The following SLC24A3 variants were observed in gnomAD, a reference collection of about 807,000 sequenced individuals.
SLC24A3 encodes sodium/potassium/calcium exchanger 3.
In SLC24A3, 28 loss-of-function variants were observed where a neutral mutation model predicts 75.8. The ratio of observed to expected loss-of-function variants is 0.37; its 90% CI spans 0.27 to 0.51. The LOEUF is 0.51. SLC24A3 is among the 20% of genes least tolerant of loss of function. SLC24A3 has a pLI of 0.94. For synonymous variants in SLC24A3, 372 were observed against 334.1 expected (o/e 1.11, Z -1.24); for missense variants, 663 against 847.8 (o/e 0.78, Z 2.71).
intron 9 of SLC24A3, among the ~76,000 whole-genome samples, chr20:19,680,517 T>A (rs2032601458): frequency 6.6e-6 from 1 of 152,230 alleles, no homozygotes; most frequent in Admixed American, 6.5e-5. Context: ...TTGGCAGCCA[T>A]CAGTGCTCAG....
At chr20:19,316,163 T>C (rs988292076) in intron 2 of SLC24A3, among the ~76,000 whole-genome samples, 7 of 152,236 alleles carry the variant, frequency 4.6e-5, no homozygotes, top group African/African-American at 1.7e-4. Context: ...GTACACTTTC[T>C]ACTGAATGTG....
At position 19,496,092 on chromosome 20, in the gene SLC24A3, G is replaced by A. The variant is rs527805295; in HGVS notation, c.272-19396G>A. On this transcript the variant is annotated intron_variant, in intron 2 of 16. Transcript: ENST00000328041. The stretch of plus-strand genomic sequence containing the variant: ...TGCAGACGAGTCAGACATGCCTCTG[G>A]GACACCCCGGCTCCCTTTGGCTGGC... Among the ~76,000 whole-genome samples the A allele has an allele frequency of 1.3e-4, 20 of 152,266 alleles. No individual in the cohort carries two copies. In the South Asian group the frequency reaches 4.2e-3, roughly 32 times the overall value.
intron 1 of SLC24A3, among the ~76,000 whole-genome samples, chr20:19,233,094 C>T (rs1486473391): frequency 5.3e-5 from 8 of 152,204 alleles, no homozygotes; most frequent in Non-Finnish European, 1.0e-4. Context: ...ACAGTTGCTT[C>T]GGTTTTTCTA....
At chr20:19,543,006 G>C (rs905094665) in intron 3 of SLC24A3, among the ~76,000 whole-genome samples, 3 of 152,182 alleles carry the variant, frequency 2.0e-5, no homozygotes, top group Admixed American at 2.0e-4. Flanking sequence ...TTACATTAAG[G>C]TATGTGTTTA....
At chr20:19,719,121 G>A (rs2122179757) in intron 16 of SLC24A3, among the ~76,000 whole-genome samples, 1 of 152,256 alleles carries the variant, frequency 6.6e-6, no homozygotes, top group Middle Eastern at 3.4e-3. Context: ...AGGGAGAGGA[G>A]CCCTGAGCAT....
intron 1 of SLC24A3, among the ~76,000 whole-genome samples, chr20:19,251,392 G>T (rs1171766739): frequency 1.3e-5 from 2 of 152,230 alleles, no homozygotes; most frequent in Admixed American, 1.3e-4. Flanking sequence ...TTTAAATTCT[G>T]TCTGTTTCGC....
At chr20:19,380,811 G>C (rs1986167596) in intron 2 of SLC24A3, among the ~76,000 whole-genome samples, 1 of 152,218 alleles carries the variant, frequency 6.6e-6, no homozygotes, top group South Asian at 2.1e-4. Context: ...TTGGACATGA[G>C]AGTGAAGTTC....
chr20:19,472,059 TG>T (rs1568627662), intron 2 of SLC24A3, among the ~76,000 whole-genome samples: 1 of 152,346 alleles, frequency 6.6e-6, no homozygotes, highest in Admixed American at 6.5e-5. Flanking sequence ...TTAAAATTCC[TG>T]TTGTGTAGAG....
At chr20:19,296,149 G>A (rs1984054143) in intron 2 of SLC24A3, among the ~76,000 whole-genome samples, 1 of 151,912 alleles carries the variant, frequency 6.6e-6, no homozygotes, top group South Asian at 2.1e-4. Flanking sequence ...TTGCATAGAG[G>A]TGTTTATAGT....
At position 19,264,210 on chromosome 20, in the gene SLC24A3, C is replaced by G. The variant is rs6136668; in HGVS notation, c.143-16749C>G. The G allele has an allele frequency of 4.6e-5, 7 of 151,882 alleles. No individual in the cohort carries two copies. The East Asian group carries it at 1.4e-3, about 30-fold the overall frequency. The allele number at this position is 151,882 out of a possible 1,614,324, so 9.4% of individuals were successfully genotyped here. A position where few individuals can be genotyped will look rare whatever the true frequency, so the allele number is the denominator to read the frequency against. On this transcript the variant is annotated intron_variant, in intron 1 of 16. Coordinates refer to ENST00000328041, the MANE Select transcript of SLC24A3 (RefSeq NM_020689.4). ...TTCTATGGCTCTGGACCAAACACAT[C>G]TTCCCACTTGTTTTAAGAGACATTG... is the stretch of plus-strand genomic sequence containing the variant.
In SLC24A3 at chr20:19,717,578, C is replaced by G. The variant is rs2033057478; in HGVS notation, c.1770C>G (p.Ala590=). 1 of 1,614,042 alleles carries G rather than the reference C, an allele frequency of 6.2e-7. No individual in the cohort carries two copies. The highest frequency in any genetic ancestry group is 8.5e-7 in the Non-Finnish European group (1 of 1,180,010). The change falls in exon 16 of 17, where the codon GCC becomes GCG. Residue 590 remains alanine, a synonymous_variant. Transcript: ENST00000328041. ...TCTACTCCGTAGGCTTGCTCCTGGC[C>G]TCTGTTTTTGTCACGGTAGGTTGGC... The part of the protein sequence containing the change: ...GLIYSVGLLL[A]SVFVTVFGVH...
chr20:19,637,878 C>T lies in SLC24A3; in HGVS notation c.613-16184C>T, dbSNP rs185451765. Among the ~76,000 whole-genome samples the T allele has an allele frequency of 9.5e-4, 145 of 152,184 alleles. 1 individual carries two copies. Among genetic ancestry groups the T allele is most frequent in the African/African-American group, 3.0e-3 (123 of 41,536 alleles). ...GGGGAAAGCTTCAAAGATAGTAGTCCTAATAATTATAACTATCAAATAGAT... is the reference window on the plus strand; with the variant it reads ...GGGGAAAGCTTCAAAGATAGTAGTCTTAATAATTATAACTATCAAATAGAT... On this transcript the variant is annotated intron_variant, in intron 6 of 16. Transcript: ENST00000328041.
At chr20:19,548,473 G>C (rs1392181377) in intron 3 of SLC24A3, among the ~76,000 whole-genome samples, 1 of 152,180 alleles carries the variant, frequency 6.6e-6, no homozygotes, top group Non-Finnish European at 1.5e-5. Context: ...CCCTATGTTA[G>C]TTTTCTATTG....
chr20:19,514,733 G>A lies in SLC24A3; in HGVS notation c.272-755G>A, dbSNP rs139101726. On this transcript the variant is annotated intron_variant, in intron 2 of 16. Coordinates refer to ENST00000328041, the MANE Select transcript of SLC24A3 (RefSeq NM_020689.4). ...AGTGGTGGAGGACCTTCTTGGGACC[G>A]TCAGTTCACAGACTCCAGCTTTCAT... Among the ~76,000 whole-genome samples, 14 of 152,314 alleles carry A rather than the reference G, an allele frequency of 9.2e-5. No individual in the cohort carries two copies. The South Asian group carries it at 1.0e-3, about 11-fold the overall frequency.
chr20:19,586,150 T>C lies in SLC24A3; in HGVS notation c.612+606T>C, dbSNP rs538172850. ...TGAGTTCTTTATGAATACTGGCGTC[T>C]GTTTTGGAAAGTCTGGGGAAGGTGC... is the stretch of plus-strand genomic sequence containing the variant. On this transcript the variant is annotated intron_variant, in intron 6 of 16. Transcript: ENST00000328041. 3.3e-5 allele frequency among the ~76,000 whole-genome samples: 5 copies of C among 152,284 alleles called. No homozygotes were observed. In the South Asian group the frequency reaches 1.0e-3, roughly 32 times the overall value.
chr20:19,668,237 G>A (rs1209038493), intron 8 of SLC24A3, among the ~76,000 whole-genome samples: 1 of 152,144 alleles, frequency 6.6e-6, no homozygotes, highest in East Asian at 1.9e-4. Flanking sequence ...TATCTACTTT[G>A]GGACTCCCGG....
At chr20:19,244,033 T>A (rs1415644244) in intron 1 of SLC24A3, 2 of 152,224 alleles carry the variant, frequency 1.3e-5, no homozygotes, top group Non-Finnish European at 2.9e-5. Context: ...TATAGCTCCC[T>A]TTTAAACGTA....
intron 2 of SLC24A3, among the ~76,000 whole-genome samples, chr20:19,482,872 A>C (rs1988078788): frequency 6.6e-6 from 1 of 152,190 alleles, no homozygotes; most frequent in Admixed American, 6.5e-5. Context: ...GAGGCTCTGC[A>C]CCTGTGTGTG....
intron 1 of SLC24A3, among the ~76,000 whole-genome samples, chr20:19,251,005 C>T (rs1240425748): frequency 6.6e-6 from 1 of 152,190 alleles, no homozygotes; most frequent in Non-Finnish European, 1.5e-5. Context: ...TTATACTTTT[C>T]CATATATAAA....
Sources: gnomAD v4.1 joint callset for allele counts (sites outside exome capture counted in the v4.1 genomes callset) on GRCh38, gnomAD v4.1.1 for gene constraint, MANE v1.5 for transcripts, NCBI Gene and HGNC (gene_info 2026-07-23, HGNC 2026-07-21) for gene names.